Variants in CACNA1E observed in about 807,000 individuals in gnomAD.
CACNA1E encodes voltage-dependent R-type calcium channel subunit alpha-1E.
A neutral mutation model predicts 259.2 loss-of-function variants in CACNA1E; 40 were observed. The ratio of observed to expected loss-of-function variants is 0.15; its 90% CI spans 0.12 to 0.20. CACNA1E has a LOEUF of 0.20. CACNA1E is among the 10% of genes least tolerant of loss of function. The pLI is 1.00. For missense variants in CACNA1E, 1,874 were observed against 3,040.1 expected, an observed-to-expected ratio of 0.62 and a Z score of 9.02; for synonymous variants, 1,104 against 1,138.5, an observed-to-expected ratio of 0.97 and a Z score of 0.61.
At chr1:181,626,986 G>A (rs937874486) in intron 6 of CACNA1E, among the ~76,000 whole-genome samples, 12 of 152,164 alleles carry the variant, frequency 7.9e-5, no homozygotes, top group African/African-American at 1.9e-4. Context: ...GCAATTAAAA[G>A]GGTAATGAGA....
intron 1 of CACNA1E, among the ~76,000 whole-genome samples, chr1:181,383,193 T>C (rs946565696): frequency 3.9e-5 from 6 of 152,232 alleles, no homozygotes; most frequent in African/African-American, 1.4e-4. Flanking sequence ...AGCCCAATTG[T>C]TATACTTACT....
chr1:181,359,423 C>G (rs192251793), intron 1 of CACNA1E, among the ~76,000 whole-genome samples: 2 of 152,134 alleles, frequency 1.3e-5, no homozygotes, highest in Non-Finnish European at 1.5e-5. Context: ...AAAAAAACAG[C>G]GTGGGCAAAA....
In CACNA1E at chr1:181,758,050, C is replaced by T. The variant is rs760888096; in HGVS notation, c.4433C>T (p.Pro1478Leu). The change falls in exon 31 of 48, where the codon CCG (proline) becomes CTG (leucine). Residue 1478 changes from proline (P) to leucine (L), a missense_variant. This residue lies in a region of CACNA1E where 188 missense variants were observed against 540.6 expected (regional missense o/e 0.35). Coordinates refer to ENST00000367573, the MANE Select transcript of CACNA1E (RefSeq NM_001205293.3). The surrounding 1 kb of genome is among the most constrained non-coding windows in gnomAD (Gnocchi z 4.2). The part of the protein sequence containing the change: ...QYRVWHFVVS[P>L]SFEYTIMAMI... The stretch of plus-strand genomic sequence containing the variant: ...CGCGTGTGGCACTTTGTGGTGTCTC[C>T]GTCCTTTGAGTACACCATTATGGCC... 1.9e-5 allele frequency: 31 copies of T among 1,613,800 alleles called. No homozygotes were observed. The highest frequency in any genetic ancestry group is 2.2e-5 in the East Asian group (1 of 44,884).
chr1:181,354,583 ATGGTTC>A (rs1653284174), intron 1 of CACNA1E, among the ~76,000 whole-genome samples: 1 of 152,174 alleles, frequency 6.6e-6, no homozygotes, highest in Non-Finnish European at 1.5e-5. Context: ...ATTCTTCTCT[ATGGTTC>A]AGGTTGTCTG....
rs533960959 is a variant in CACNA1E, at chr1:181,737,201, A to G, written c.3423-324A>G. ...TGTCCCAGTTTCCTTTCAGTGGGAG[A>G]GTAGACATCGAGATACAGCAGAGGG... On this transcript the variant is annotated intron_variant, in intron 22 of 47. Coordinates refer to ENST00000367573, the MANE Select transcript of CACNA1E (RefSeq NM_001205293.3). Among the ~76,000 whole-genome samples the G allele has an allele frequency of 2.6e-5, 4 of 152,104 alleles. No individual in the cohort carries two copies. In the East Asian group the frequency reaches 7.7e-4, roughly 29 times the overall value.
intron 1 of CACNA1E, among the ~76,000 whole-genome samples, chr1:181,396,248 G>A (rs1656675597): frequency 6.6e-6 from 1 of 152,220 alleles, no homozygotes; most frequent in Admixed American, 6.5e-5. Flanking sequence ...GTACCTAACT[G>A]TGGTAGTGTC....
At chr1:181,348,627 G>T (rs978134477) in intron 1 of CACNA1E, among the ~76,000 whole-genome samples, 1 of 152,106 alleles carries the variant, frequency 6.6e-6, no homozygotes, top group African/African-American at 2.4e-5. Flanking sequence ...TGCCTCAGTG[G>T]TTTTTGTGCC....
intron 2 of CACNA1E, among the ~76,000 whole-genome samples, chr1:181,460,577 C>T (rs964007898): frequency 5.9e-5 from 9 of 152,188 alleles, no homozygotes; most frequent in Non-Finnish European, 1.2e-4. Context: ...GAACTGAAGA[C>T]CTTTACAGAA....
chr1:181,337,518 CT>C (rs1298540661), intron 1 of CACNA1E, among the ~76,000 whole-genome samples: 20 of 152,176 alleles, frequency 1.3e-4, no homozygotes. Context: ...TACTTCTCCA[CT>C]TTTCTTCCTC....
intron 6 of CACNA1E, among the ~76,000 whole-genome samples, chr1:181,610,151 A>G (rs1484843984): frequency 6.6e-6 from 1 of 152,200 alleles, no homozygotes; most frequent in Non-Finnish European, 1.5e-5. Context: ...TATGTTGTAC[A>G]AGAGAAAGGA....
intron 3 of CACNA1E, among the ~76,000 whole-genome samples, chr1:181,517,597 C>T (rs1572080874): frequency 6.6e-6 from 1 of 151,614 alleles, no homozygotes; most frequent in Middle Eastern, 3.4e-3. Flanking sequence ...TGTGCAGAGC[C>T]AAGCAGAAAG....
intron 6 of CACNA1E, among the ~76,000 whole-genome samples, chr1:181,630,182 T>C (rs1234086153): frequency 6.6e-6 from 1 of 152,182 alleles, no homozygotes; most frequent in East Asian, 1.9e-4. Flanking sequence ...TGTATACATA[T>C]TGCCTTTGTA....
Position 181,676,508 on chromosome 1 carries a change from C to T in CACNA1E, c.1055+25067C>T, listed in dbSNP as rs140336853. On this transcript the variant is annotated intron_variant, in intron 7 of 47. Transcript: ENST00000367573. ...TTGTTTGATATTGTTGCCCACGAGA[C>T]TATCTAGGGTGTACATTATGATGTC... is the stretch of plus-strand genomic sequence containing the variant. Among the ~76,000 whole-genome samples, 394 of 152,164 alleles carry T rather than the reference C, an allele frequency of 2.6e-3. 5 individuals carry two copies. Among genetic ancestry groups the T allele is most frequent in the African/African-American group, 9.1e-3 (378 of 41,504 alleles).
At chr1:181,684,525 T>C (rs1479136745) in intron 7 of CACNA1E, among the ~76,000 whole-genome samples, 1 of 152,202 alleles carries the variant, frequency 6.6e-6, no homozygotes, top group Non-Finnish European at 1.5e-5. Context: ...CAATTGCTTT[T>C]AGAGTCTACA....
chr1:181,618,820 A>G (rs1655460194), intron 6 of CACNA1E, among the ~76,000 whole-genome samples: 1 of 152,244 alleles, frequency 6.6e-6, no homozygotes, highest in African/African-American at 2.4e-5. Flanking sequence ...TTTGCTGAGT[A>G]AACACCAAAT....
chr1:181,341,229 A>G (rs1438345978), intron 1 of CACNA1E, among the ~76,000 whole-genome samples: 7 of 152,050 alleles, frequency 4.6e-5, no homozygotes, highest in Non-Finnish European at 8.8e-5. Context: ...GGGTCTGTGC[A>G]GGGAAGTGCT....
intron 7 of CACNA1E, among the ~76,000 whole-genome samples, chr1:181,676,053 C>G (rs769427473): frequency 1.3e-5 from 2 of 150,302 alleles, no homozygotes; most frequent in Admixed American, 6.6e-5. Flanking sequence ...CTCTTACCAC[C>G]ATGGTATAGA....
rs907341335 is a variant in CACNA1E, at chr1:181,801,188, G to C, written c.*2354G>C. The C allele has an allele frequency of 6.5e-6, 1 of 152,756 alleles. No homozygotes were observed. Among genetic ancestry groups the C allele is most frequent in the South Asian group, 2.1e-4 (1 of 4,824 alleles). The allele number at this position is 152,756 out of a possible 1,614,324, so 9.5% of individuals were successfully genotyped here. Reference sequence around the variant, plus strand: ...CCTAGGGGGAGGCCTACAACAGGACGACCATTCTGAGCCAGTGAGTCTATT... The same window carrying C: ...CCTAGGGGGAGGCCTACAACAGGACCACCATTCTGAGCCAGTGAGTCTATT... On this transcript the variant is annotated 3_prime_UTR_variant, in exon 48 of 48. Coordinates refer to ENST00000367573, the MANE Select transcript of CACNA1E (RefSeq NM_001205293.3).
intron 1 of CACNA1E, among the ~76,000 whole-genome samples, chr1:181,336,090 C>T (rs1456255628): frequency 6.6e-6 from 1 of 152,110 alleles, no homozygotes; most frequent in Non-Finnish European, 1.5e-5. Flanking sequence ...CCTGTTTTTC[C>T]TCTTGATGGG....
Sources: gnomAD v4.1 joint callset for allele counts (sites outside exome capture counted in the v4.1 genomes callset) on GRCh38, gnomAD v4.1.1 for gene constraint, gnomAD v4.1.1 regional missense constraint, Gnocchi (gnomAD v3.1) non-coding constraint, MANE v1.5 for transcripts, NCBI Gene and HGNC (gene_info 2026-07-23, HGNC 2026-07-21) for gene names.